Variants in GLUD1 observed in about 807,000 individuals in gnomAD.
The protein encoded by GLUD1 is glutamate dehydrogenase 1.
In GLUD1, 22 loss-of-function variants were observed where a neutral mutation model predicts 56.0. That is an observed-to-expected ratio of 0.39 (90% CI 0.28 to 0.56). The LOEUF is 0.56. Ranked by LOEUF, GLUD1 falls within the 20% of genes least tolerant of loss-of-function variation. The pLI, the probability that GLUD1 is intolerant of heterozygous loss-of-function variation, is 0.58. For synonymous variants in GLUD1, 223 were observed against 269.9 expected (o/e 0.83, Z 1.70); for missense variants, 451 against 732.0 (o/e 0.62, Z 4.43).
In GLUD1 at chr10:87,055,210, T is replaced by C. The variant is rs558087104; in HGVS notation, c.1495-1806A>G. Among the ~76,000 whole-genome samples, 7 of 152,180 alleles carry C rather than the reference T, an allele frequency of 4.6e-5. No homozygotes were observed. In the East Asian group the frequency reaches 1.4e-3, roughly 29 times the overall value. On this transcript the variant is annotated intron_variant, in intron 11 of 12. Coordinates refer to ENST00000277865, the MANE Select transcript of GLUD1 (RefSeq NM_005271.5). Reference sequence around the variant, plus strand: ...GGATTTAATCAGGGCTGCTGGGATTTAATCAGGGCTTAGGTGTTAACAAAG... The same window carrying C: ...GGATTTAATCAGGGCTGCTGGGATTCAATCAGGGCTTAGGTGTTAACAAAG...
intron 3 of GLUD1, among the ~76,000 whole-genome samples, chr10:87,075,517 C>T (rs1225514509): frequency 1.3e-5 from 2 of 152,178 alleles, no homozygotes; most frequent in Non-Finnish European, 2.9e-5. Flanking sequence ...TAATTCTTTA[C>T]ATTTTTCTAT....
rs758989652 is a variant in GLUD1, at chr10:87,093,904, T to TTGACAGC, written c.445+414_445+420dup. 9.6e-5 allele frequency: 127 copies of TTGACAGC among 1,320,196 alleles called. 2 individuals are homozygous for TTGACAGC. In the South Asian group the frequency reaches 1.4e-3, roughly 14 times the overall value. The allele number at this position is 1,320,196 out of a possible 1,614,324, so 81.8% of individuals were successfully genotyped here. A position where few individuals can be genotyped will look rare whatever the true frequency, so the allele number is the denominator to read the frequency against. On this transcript the variant is annotated intron_variant, in intron 1 of 12. Transcript: ENST00000277865. ...GAGTGAACAAATACCAGAAAATAAT[T>TTGACAGC]TGACAGCTTGCATTTAGGGGAGACT...
intron 1 of GLUD1, among the ~76,000 whole-genome samples, chr10:87,081,673 T>G (rs9420433): frequency 0.013 from 1,927 of 152,294 alleles, 26 homozygotes; most frequent in Non-Finnish European, 0.017. Context: ...CTCTGTAACA[T>G]GTGCTGTGTC....
At chr10:87,062,576 A>T (rs1053198740) in intron 6 of GLUD1, 80 bp downstream of exon 6, 35 of 1,063,260 alleles carry the variant, frequency 3.3e-5, no homozygotes, top group Non-Finnish European at 4.8e-5. Context: ...TTAATTTTAA[A>T]ATTACAATTC....
chr10:87,090,897 A>C (rs1412536932), intron 1 of GLUD1, among the ~76,000 whole-genome samples: 1 of 152,166 alleles, frequency 6.6e-6, no homozygotes, highest in East Asian at 1.9e-4. Context: ...TCTCATTTTA[A>C]ATCAGTATCA....
chr10:87,089,417 A>G (rs1841461203), intron 1 of GLUD1: 1 of 156,450 alleles, frequency 6.4e-6, no homozygotes, highest in African/African-American at 2.4e-5. Context: ...AGTGTATTGC[A>G]TGAGGCATAA....
intron 5 of GLUD1, among the ~76,000 whole-genome samples, chr10:87,066,579 C>T (rs1286499373): frequency 6.6e-6 from 1 of 152,208 alleles, no homozygotes; most frequent in Non-Finnish European, 1.5e-5. Flanking sequence ...CTTGCCACTA[C>T]CCCTACCCTA....
In GLUD1 at chr10:87,094,130, G is replaced by T; in HGVS notation, c.445+195C>A. 2 of 1,456,754 alleles carry T rather than the reference G, an allele frequency of 1.4e-6. No individual in the cohort carries two copies. The highest frequency in any genetic ancestry group is 2.6e-5 in the South Asian group (2 of 76,364). 90.2% of individuals were successfully genotyped at this position (1,456,754 alleles called of 1,614,324 possible). On this transcript the variant is annotated intron_variant, in intron 1 of 12. Coordinates refer to ENST00000277865, the MANE Select transcript of GLUD1 (RefSeq NM_005271.5). The surrounding 1 kb of genome is among the most constrained non-coding windows in gnomAD (Gnocchi z 6.6). ...GCGCGGGGGAGGGGGCAGGCCAATC[G>T]CATGATGATTTTAAGGCGGAAAAAT...
intron 6 of GLUD1, among the ~76,000 whole-genome samples, chr10:87,061,941 AC>A (rs111947666): frequency 6.6e-6 from 1 of 152,050 alleles, no homozygotes; most frequent in Non-Finnish European, 1.5e-5. Context: ...GTACCACCAC[AC>A]CCTGCTAATT....
rs1457006793 is a variant in GLUD1, at chr10:87,083,809, C to CCATCTCTACA, written c.446-7163_446-7154dup. On this transcript the variant is annotated intron_variant, in intron 1 of 12. Coordinates refer to ENST00000277865, the MANE Select transcript of GLUD1 (RefSeq NM_005271.5). ...CCAGCCTGGACAACATAGTGAGATC[C>CCATCTCTACA]CATCTCTACACACACACACACACAC... Among the ~76,000 whole-genome samples the CCATCTCTACA allele has an allele frequency of 9.8e-5, 11 of 111,750 alleles. No individual in the cohort carries two copies. The East Asian group carries it at 2.0e-3, about 21-fold the overall frequency. 73.3% of individuals were successfully genotyped at this position (111,750 alleles called of 152,430 possible).
chr10:87,080,222 T>C (rs1841180564), intron 1 of GLUD1, among the ~76,000 whole-genome samples: 1 of 152,022 alleles, frequency 6.6e-6, no homozygotes, highest in Non-Finnish European at 1.5e-5. Flanking sequence ...TTGCAGACGG[T>C]GTCTGGTTCA....
chr10:87,087,590 GCT>G (rs1464971457), intron 1 of GLUD1, among the ~76,000 whole-genome samples: 1 of 152,210 alleles, frequency 6.6e-6, no homozygotes, highest in Non-Finnish European at 1.5e-5. Context: ...ACATTCAGGA[GCT>G]CTGTGTTGGG....
intron 1 of GLUD1, among the ~76,000 whole-genome samples, chr10:87,093,723 G>C (rs1255724348): frequency 6.6e-6 from 1 of 151,882 alleles, no homozygotes; most frequent in African/African-American, 2.4e-5. Flanking sequence ...CTTTTTTTTG[G>C]TATAAAACAG....
chr10:87,091,582 C>T, intron 1 of GLUD1: 1 of 967,384 alleles, frequency 1.0e-6, no homozygotes. Flanking sequence ...CTTTCAAATC[C>T]TTAACACAGA....
chr10:87,080,652 C>T (rs1474336840), intron 1 of GLUD1, among the ~76,000 whole-genome samples: 29 of 149,546 alleles, frequency 1.9e-4, no homozygotes, highest in Non-Finnish European at 3.3e-4. Flanking sequence ...AGGTGAGGAG[C>T]GTCTCTGCCC....
Position 87,057,458 on chromosome 10 carries a change from C to T in GLUD1, c.1494+233G>A, listed in dbSNP as rs114713986. Among the ~76,000 whole-genome samples the T allele has an allele frequency of 3.7e-3, 556 of 152,220 alleles. 3 individuals carry two copies. Among genetic ancestry groups the T allele is most frequent in the African/African-American group, 0.012 (518 of 41,530 alleles). The stretch of plus-strand genomic sequence containing the variant: ...ATAATAATCCTTCACTGTTAAAACA[C>T]GTGCGTGAAAAATACCAAATTTATT... On this transcript the variant is annotated intron_variant, in intron 11 of 12. Coordinates refer to ENST00000277865, the MANE Select transcript of GLUD1 (RefSeq NM_005271.5).
At chr10:87,063,176 C>T (rs546252077) in intron 5 of GLUD1, among the ~76,000 whole-genome samples, 80 of 152,026 alleles carry the variant, frequency 5.3e-4, no homozygotes, top group African/African-American at 1.7e-3. Flanking sequence ...CAGGTTCAAG[C>T]GATTCTCCTG....
Position 87,094,428 on chromosome 10 carries a change from A to G in GLUD1, c.342T>C (p.His114=), listed in dbSNP as rs142544510. 3,840 of 1,613,654 alleles carry G rather than the reference A, an allele frequency of 2.4e-3. 92 individuals carry two copies. The African/African-American group carries it at 0.046, about 19-fold the overall frequency. The part of the protein sequence containing the change: ...GILRIIKPCN[H]VLSLSFPIRR... The stretch of plus-strand genomic sequence containing the variant: ...GGATGGGGAAGGAGAGACTCAGCAC[A>G]TGGTTGCAGGGCTTGATGATCCGCA... The change falls in exon 1 of 13, where the codon CAT becomes CAC. Residue 114 remains histidine (H), a synonymous_variant. Transcript: ENST00000277865. This position sits in a 1 kb window ranked among gnomAD's most constrained non-coding sequence, Gnocchi z 6.6.
Position 87,094,687 on chromosome 10 carries a change from GC to G in GLUD1, c.82del (p.Ala28ArgfsTer62). 6.7e-7 allele frequency: 1 copy of G among 1,503,508 alleles called. No homozygotes were observed. Among genetic ancestry groups the G allele is most frequent in the Non-Finnish European group, 8.9e-7 (1 of 1,126,200 alleles). The allele number at this position is 1,503,508 out of a possible 1,614,324, so 93.1% of individuals were successfully genotyped here. A position where few individuals can be genotyped will look rare whatever the true frequency, so the allele number is the denominator to read the frequency against. ...ALGSASADSAALLGWARGQPA... is the reference protein window; with the variant it reads ...ALGSASADSAXLLGWARGQPA... Reference sequence around the variant, plus strand: ...CTGTCCCCGGGCCCAGCCCAGCAACGCGGCCGAGTCGGCGGACGCCGAGCCC... The same window carrying G: ...CTGTCCCCGGGCCCAGCCCAGCAACGGGCCGAGTCGGCGGACGCCGAGCCC... On this transcript the variant is annotated frameshift_variant, in exon 1 of 13. Transcript: ENST00000277865. LOFTEE classifies it high-confidence loss of function. The surrounding 1 kb of genome is among the most constrained non-coding windows in gnomAD (Gnocchi z 6.6).
Sources: allele counts gnomAD v4.1 joint callset (sites outside exome capture counted in the v4.1 genomes callset), GRCh38; gene constraint gnomAD v4.1.1; non-coding constraint Gnocchi (gnomAD v3.1); transcripts MANE v1.5; gene names NCBI Gene and HGNC (gene_info 2026-07-23, HGNC 2026-07-21).